Variants in BEND4 observed in about 807,000 individuals in gnomAD.
The protein encoded by BEND4 is BEN domain containing 4.
A neutral mutation model predicts 54.7 loss-of-function variants in BEND4; 27 were observed. That is an observed-to-expected ratio of 0.49 (90% confidence interval 0.36 to 0.68). The LOEUF is 0.68. Among genes scored for constraint, BEND4 ranks in the 30% least tolerant of loss-of-function variants. The pLI is 0.00. For missense variants in BEND4, 702 were observed against 697.2 expected (o/e 1.01, Z -0.08); for synonymous variants, 327 against 299.5 (o/e 1.09, Z -0.95).
Position 42,123,902 on chromosome 4 carries a change from G to A in BEND4, c.1146+1681C>T, listed in dbSNP as rs377575784. Reference sequence around the variant, plus strand: ...GGTGGGGCCTTTACTGAAAACAGGAGGAACTGCAGATGGGTATTCAGAATA... The same window carrying A: ...GGTGGGGCCTTTACTGAAAACAGGAAGAACTGCAGATGGGTATTCAGAATA... On this transcript the variant is annotated intron_variant, in intron 4 of 5. Coordinates refer to ENST00000502486, the MANE Select transcript of BEND4 (RefSeq NM_207406.4). Among the ~76,000 whole-genome samples, 55 of 152,248 alleles carry A rather than the reference G, an allele frequency of 3.6e-4. 1 individual carries two copies. In the South Asian group the frequency reaches 0.011, roughly 31 times the overall value.
intron 3 of BEND4, among the ~76,000 whole-genome samples, chr4:42,143,157 T>C (rs1435370305): frequency 1.3e-5 from 2 of 152,192 alleles, no homozygotes; most frequent in Admixed American, 6.5e-5. Flanking sequence ...TTAATAGGAC[T>C]ATGGTGTTCA....
intron 3 of BEND4, 71 bp from the exon 4 acceptor site, chr4:42,125,745 GTTT>G: frequency 4.9e-6 from 4 of 824,166 alleles, no homozygotes; most frequent in Non-Finnish European, 7.1e-6. Context: ...ATTTTTTAAA[GTTT>G]TTTTTTTTTT....
intron 2 of BEND4, among the ~76,000 whole-genome samples, chr4:42,146,892 C>T (rs1721098725): frequency 6.6e-6 from 1 of 152,084 alleles, no homozygotes; most frequent in African/African-American, 2.4e-5. Context: ...GTTTTAATCA[C>T]ATTGATAAAT....
Position 42,152,121 on chromosome 4 carries a change from G to T in BEND4, c.23C>A (p.Ala8Glu). The change falls in exon 2 of 6, where the codon GCA becomes GAA. Residue 8 changes from alanine to glutamate, a missense_variant. Physicochemically the swap from Ala to Glu is moderately radical, Grantham distance 107. Transcript: ENST00000502486. ...TTTGGGGACGCTGGGCCCCTCCTCTGCCGGCTGCATCTCTTCCTCCATCCG... is the reference window on the plus strand; with the variant it reads ...TTTGGGGACGCTGGGCCCCTCCTCTTCCGGCTGCATCTCTTCCTCCATCCG... MEEEMQP[A>E]EEGPSVPKIY... The T allele has an allele frequency of 8.0e-7, 1 of 1,246,660 alleles. No individual in the cohort carries two copies. The highest frequency in any genetic ancestry group is 3.2e-5 in the East Asian group (1 of 31,576). The allele number at this position is 1,246,660 out of a possible 1,614,324, so 77.2% of individuals were successfully genotyped here. A position where few individuals can be genotyped will look rare whatever the true frequency, so the allele number is the denominator to read the frequency against.
rs1721331665 is a variant in BEND4, at chr4:42,152,257, G to A, written c.-114C>T. On this transcript the variant is annotated 5_prime_UTR_variant, in exon 2 of 6. Coordinates refer to ENST00000502486, the MANE Select transcript of BEND4 (RefSeq NM_207406.4). ...TCTGCCCTGGTGCGCGCGTGTGGGA[G>A]GGTGTGTGTCTGTGCCGTGGCCGCC... The A allele has an allele frequency of 1.5e-5, 16 of 1,098,972 alleles. 1 individual carries two copies. The South Asian group carries it at 5.4e-4, about 37-fold the overall frequency. The allele number at this position is 1,098,972 out of a possible 1,614,324, so 68.1% of individuals were successfully genotyped here.
chr4:42,130,896 G>A (rs887616838), intron 3 of BEND4, among the ~76,000 whole-genome samples: 12 of 67,002 alleles, frequency 1.8e-4, no homozygotes, highest in South Asian at 6.1e-4. Context: ...AAAAGGAAAC[G>A]AGAGATCATG....
chr4:42,133,664 G>C (rs1461389242), intron 3 of BEND4, among the ~76,000 whole-genome samples: 1 of 152,138 alleles, frequency 6.6e-6, no homozygotes, highest in Non-Finnish European at 1.5e-5. Context: ...ACCATCCTGG[G>C]CTAACATGGT....
intron 3 of BEND4, among the ~76,000 whole-genome samples, chr4:42,126,144 C>T (rs931741609): frequency 4.6e-5 from 7 of 152,240 alleles, no homozygotes; most frequent in East Asian, 3.9e-4. Context: ...TTTGTAAATA[C>T]AGAACAGATG....
chr4:42,147,740 C>T (rs1721127460), intron 2 of BEND4, among the ~76,000 whole-genome samples: 1 of 151,990 alleles, frequency 6.6e-6, no homozygotes, highest in Non-Finnish European at 1.5e-5. Flanking sequence ...AAAATCTGAA[C>T]CCATGATTAT....
chr4:42,119,823 T>C (rs1351069744), intron 5 of BEND4: 3 of 493,906 alleles, frequency 6.1e-6, no homozygotes, highest in Admixed American at 3.2e-5. Flanking sequence ...GCGTGAAACA[T>C]GAGGTGCTAT....
At chr4:42,138,568 T>C (rs960608893) in intron 3 of BEND4, among the ~76,000 whole-genome samples, 2 of 152,216 alleles carry the variant, frequency 1.3e-5, no homozygotes, top group Non-Finnish European at 2.9e-5. Context: ...ATCGAACAGA[T>C]TGTAGCAGCT....
chr4:42,141,145 G>A (rs890685341), intron 3 of BEND4, among the ~76,000 whole-genome samples: 3 of 152,112 alleles, frequency 2.0e-5, no homozygotes, highest in Non-Finnish European at 2.9e-5. Context: ...CCTGCCTGGC[G>A]TGGGAAAACA....
chr4:42,121,763 C>G (rs901701009), intron 4 of BEND4, among the ~76,000 whole-genome samples: 1 of 152,104 alleles, frequency 6.6e-6, no homozygotes, highest in African/African-American at 2.4e-5. Context: ...CTGTGCAGGA[C>G]AGAGAGAGGT....
chr4:42,151,672 G>C lies in BEND4; in HGVS notation c.472C>G (p.Leu158Val). 2 of 1,504,302 alleles carry C rather than the reference G, an allele frequency of 1.3e-6. No homozygotes were observed. The highest frequency in any genetic ancestry group is 8.9e-7 in the Non-Finnish European group (1 of 1,129,936). The allele number at this position is 1,504,302 out of a possible 1,614,324, so 93.2% of individuals were successfully genotyped here. A position where few individuals can be genotyped will look rare whatever the true frequency, so the allele number is the denominator to read the frequency against. ...TGGTGSDSAS[L>V]ELSAESRMIL... Reference sequence around the variant, plus strand: ...GAGTTGGTACCTGCGCTGAGCTCCAGGCTGGCGCTGTCGCTACCCGTGCCG... The same window carrying C: ...GAGTTGGTACCTGCGCTGAGCTCCACGCTGGCGCTGTCGCTACCCGTGCCG... Residue 158 changes from leucine to valine, a missense_variant, in exon 2 of 6, where the codon CTG (leucine) becomes GTG (valine). By Grantham distance (32) the Leu-to-Val change is conservative. Coordinates refer to ENST00000502486, the MANE Select transcript of BEND4 (RefSeq NM_207406.4).
intron 3 of BEND4, among the ~76,000 whole-genome samples, chr4:42,141,707 C>T (rs2153147010): frequency 6.6e-6 from 1 of 152,274 alleles, no homozygotes; most frequent in African/African-American, 2.4e-5. Context: ...CACCACTGCA[C>T]ACCAGCCTGG....
intron 3 of BEND4, among the ~76,000 whole-genome samples, chr4:42,128,219 G>A (rs887434003): frequency 2.6e-5 from 4 of 152,166 alleles, no homozygotes; most frequent in Non-Finnish European, 4.4e-5. Flanking sequence ...AGTCATTCAC[G>A]ACAAATCCAC....
intron 3 of BEND4, among the ~76,000 whole-genome samples, 200 bp from the exon 4 acceptor site, chr4:42,125,874 G>A (rs1286046784): frequency 6.6e-6 from 1 of 151,954 alleles, no homozygotes; most frequent in African/African-American, 2.4e-5. Flanking sequence ...CAGTAGCTGG[G>A]ACTACAGGTG....
intron 3 of BEND4, among the ~76,000 whole-genome samples, chr4:42,137,935 A>G (rs551263165): frequency 1.5e-3 from 223 of 152,350 alleles, no homozygotes; most frequent in African/African-American, 5.0e-3. Flanking sequence ...GCAAAAGATC[A>G]AAAGATAACA....
intron 3 of BEND4, among the ~76,000 whole-genome samples, chr4:42,142,153 C>T (rs552471844): frequency 6.6e-6 from 1 of 151,576 alleles, no homozygotes; most frequent in Non-Finnish European, 1.5e-5. Context: ...GATCCGCCCC[C>T]CCTCGGCCTC....
Sources: gnomAD v4.1 joint callset for allele counts (sites outside exome capture counted in the v4.1 genomes callset) on GRCh38, gnomAD v4.1.1 for gene constraint, MANE v1.5 for transcripts, NCBI Gene and HGNC (gene_info 2026-07-23, HGNC 2026-07-21) for gene names.